UNC5C: variants seen among roughly 807,000 people sequenced by gnomAD.
UNC5C encodes the protein unc-5 netrin receptor C, also known as netrin receptor UNC5C.
In UNC5C, 47 loss-of-function variants were observed where a neutral mutation model predicts 99.8. That is an observed-to-expected ratio of 0.47 (90% CI 0.37 to 0.60). The LOEUF (loss-of-function observed/expected upper bound fraction) is 0.60. Ranked by LOEUF, UNC5C falls within the 20% of genes least tolerant of loss-of-function variation. UNC5C has a pLI of 0.00. For missense variants in UNC5C, 1,062 were observed against 1,165.9 expected (o/e 0.91, Z 1.30); for synonymous variants, 487 against 452.2 (o/e 1.08, Z -0.98).
At chr4:95,404,331 T>C (rs1397910379) in intron 1 of UNC5C, among the ~76,000 whole-genome samples, 23 of 152,056 alleles carry the variant, frequency 1.5e-4, no homozygotes, top group Non-Finnish European at 1.5e-5. Flanking sequence ...CTCATTTCAT[T>C]TCTGAAAGTA....
chr4:95,516,766 T>A (rs1722231336), intron 1 of UNC5C, among the ~76,000 whole-genome samples: 1 of 152,110 alleles, frequency 6.6e-6, no homozygotes, highest in Non-Finnish European at 1.5e-5. Context: ...GCATCTGGTG[T>A]TTATCATCTT....
At chr4:95,530,888 G>C (rs1274179164) in intron 1 of UNC5C, among the ~76,000 whole-genome samples, 1 of 152,128 alleles carries the variant, frequency 6.6e-6, no homozygotes, top group South Asian at 2.1e-4. Flanking sequence ...AAGATTCGAT[G>C]ACCTTTGAAA....
At chr4:95,400,195 T>C (rs754474680) in intron 1 of UNC5C, among the ~76,000 whole-genome samples, 1 of 152,148 alleles carries the variant, frequency 6.6e-6, no homozygotes, top group Non-Finnish European at 1.5e-5. Context: ...ACTAACAGAA[T>C]CTGGCAAAGG....
intron 5 of UNC5C, 68 bp from the exon 6 acceptor site, chr4:95,245,212 A>G (rs1344683625): frequency 6.9e-7 from 1 of 1,452,712 alleles, no homozygotes; most frequent in African/African-American, 1.5e-5. Context: ...TGGACACACA[A>G]AACAGACACA....
intron 12 of UNC5C, among the ~76,000 whole-genome samples, chr4:95,196,830 ATATTT>A (rs1181913894): frequency 6.4e-5 from 1 of 15,734 alleles, no homozygotes; most frequent in African/African-American, 2.5e-4. Context: ...TTTATATATT[ATATTT>A]ATGTAATATA....
intron 1 of UNC5C, among the ~76,000 whole-genome samples, chr4:95,512,159 A>C (rs1373526634): frequency 6.6e-6 from 1 of 152,176 alleles, no homozygotes; most frequent in Non-Finnish European, 1.5e-5. Context: ...ATTTCCTTTA[A>C]GTTGGCGATA....
At chr4:95,465,250 C>G (rs770355500) in intron 1 of UNC5C, among the ~76,000 whole-genome samples, 1 of 152,204 alleles carries the variant, frequency 6.6e-6, no homozygotes, top group African/African-American at 2.4e-5. Flanking sequence ...CCTAACATGA[C>G]TAATCCCTGC....
chr4:95,176,923 G>T (rs957425549), intron 14 of UNC5C, among the ~76,000 whole-genome samples: 48 of 148,920 alleles, frequency 3.2e-4, no homozygotes, highest in Admixed American at 8.9e-4. Flanking sequence ...CTCCGAGCCA[G>T]GTGCGGGATA....
At chr4:95,236,220 G>A (rs1163900831) in intron 7 of UNC5C, among the ~76,000 whole-genome samples, 1 of 152,180 alleles carries the variant, frequency 6.6e-6, no homozygotes, top group African/African-American at 2.4e-5. Context: ...TTAAGAAAAT[G>A]TGGCACATAT....
chr4:95,540,620 T>A (rs1351044672), intron 1 of UNC5C, among the ~76,000 whole-genome samples: 1 of 152,230 alleles, frequency 6.6e-6, no homozygotes, highest in Non-Finnish European at 1.5e-5. Context: ...ACTTCAAGAT[T>A]GCTGCTTGCT....
At chr4:95,244,380 C>G in intron 6 of UNC5C, among the ~76,000 whole-genome samples, 1 of 152,116 alleles carries the variant, frequency 6.6e-6, no homozygotes, top group East Asian at 1.9e-4. Flanking sequence ...GAGATGCATG[C>G]ACTCTTGCTG....
At chr4:95,190,617 C>G (rs1027922029) in intron 12 of UNC5C, among the ~76,000 whole-genome samples, 7 of 152,116 alleles carry the variant, frequency 4.6e-5, no homozygotes, top group Non-Finnish European at 7.4e-5. Context: ...TGCGCCCAGC[C>G]CCCCTTGTAC....
intron 1 of UNC5C, among the ~76,000 whole-genome samples, chr4:95,517,185 T>C (rs1722239731): frequency 6.6e-6 from 1 of 152,194 alleles, no homozygotes; most frequent in African/African-American, 2.4e-5. Flanking sequence ...AATATTAAAC[T>C]GTTATTTAAA....
At chr4:95,363,192 G>A (rs1744448454) in intron 1 of UNC5C, among the ~76,000 whole-genome samples, 1 of 151,948 alleles carries the variant, frequency 6.6e-6, no homozygotes, top group African/African-American at 2.4e-5. Flanking sequence ...TTTTTAGGGG[G>A]AGTCTCTGGC....
intron 12 of UNC5C, among the ~76,000 whole-genome samples, chr4:95,186,877 C>T (rs1313658268): frequency 1.3e-5 from 2 of 152,128 alleles, no homozygotes; most frequent in Non-Finnish European, 2.9e-5. Flanking sequence ...CATTGTCCCC[C>T]TAGTCTGCTG....
At chr4:95,304,899 G>T (rs1297634516) in intron 2 of UNC5C, among the ~76,000 whole-genome samples, 1 of 152,178 alleles carries the variant, frequency 6.6e-6, no homozygotes, top group Non-Finnish European at 1.5e-5. Flanking sequence ...CTAATTAAAT[G>T]CTTGAGGAAT....
At chr4:95,375,866 A>G (rs1744879923) in intron 1 of UNC5C, among the ~76,000 whole-genome samples, 1 of 152,124 alleles carries the variant, frequency 6.6e-6, no homozygotes. Context: ...TCACGAGGTC[A>G]GGAGATTGAG....
chr4:95,470,404 C>T (rs1747931047), intron 1 of UNC5C, among the ~76,000 whole-genome samples: 1 of 152,014 alleles, frequency 6.6e-6, no homozygotes, highest in Non-Finnish European at 1.5e-5. Flanking sequence ...TTCTGTTGAT[C>T]AGTTTACCTT....
intron 10 of UNC5C, among the ~76,000 whole-genome samples, chr4:95,214,813 A>AAT (rs1451372664): frequency 6.6e-6 from 1 of 152,240 alleles, no homozygotes; most frequent in African/African-American, 2.4e-5. Context: ...AATAAAATAA[A>AAT]ATAAAGAGAT....
Sources: allele counts gnomAD v4.1 joint callset (sites outside exome capture counted in the v4.1 genomes callset), GRCh38; gene constraint gnomAD v4.1.1; transcripts MANE v1.5; gene names NCBI Gene and HGNC (gene_info 2026-07-23, HGNC 2026-07-21).